Variants in RELN observed in about 807,000 individuals in gnomAD.
RELN encodes reelin.
RELN carries 108 observed loss-of-function variants against 427.6 expected under a neutral mutation model. That is an observed-to-expected ratio of 0.25 (90% CI 0.22 to 0.30). The LOEUF (loss-of-function observed/expected upper bound fraction) is 0.30. Among genes scored for constraint, RELN ranks in the 10% least tolerant of loss-of-function variants. The pLI is 1.00. For synonymous variants in RELN, 1,524 were observed against 1,513.4 expected (o/e 1.01, Z -0.16); for missense variants, 3,715 against 4,302.8 (o/e 0.86, Z 3.82).
At chr7:103,786,848 G>A (rs764663110) in intron 3 of RELN, among the ~76,000 whole-genome samples, 17 of 152,030 alleles carry the variant, frequency 1.1e-4, no homozygotes, top group Non-Finnish European at 1.5e-4. Flanking sequence ...TGGACCAAGC[G>A]GACCTAAAAG....
intron 1 of RELN, among the ~76,000 whole-genome samples, chr7:103,937,805 G>A (rs1584384040): frequency 6.6e-6 from 1 of 152,154 alleles, no homozygotes; most frequent in South Asian, 2.1e-4. Context: ...GCTCAGAATT[G>A]CAGGTTAGCT....
At chr7:103,667,071 C>T (rs932572888) in intron 11 of RELN, among the ~76,000 whole-genome samples, 2 of 152,174 alleles carry the variant, frequency 1.3e-5, no homozygotes, top group Non-Finnish European at 2.9e-5. Flanking sequence ...CTGCTCATTT[C>T]CTCCCCTATC....
At chr7:103,935,886 C>T (rs1795970990) in intron 1 of RELN, among the ~76,000 whole-genome samples, 1 of 152,138 alleles carries the variant, frequency 6.6e-6, no homozygotes, top group South Asian at 2.1e-4. Flanking sequence ...GTATTCCCCA[C>T]CTCCCTGTGG....
At chr7:103,585,900 C>T (rs1184715161) in intron 28 of RELN, among the ~76,000 whole-genome samples, 1 of 152,162 alleles carries the variant, frequency 6.6e-6, no homozygotes, top group Non-Finnish European at 1.5e-5. Flanking sequence ...GATAGTTCAA[C>T]ACACCTAAGT....
intron 3 of RELN, among the ~76,000 whole-genome samples, chr7:103,801,726 T>TAAAA (rs34093844): frequency 1.4e-5 from 2 of 144,796 alleles, no homozygotes; most frequent in African/African-American, 5.0e-5. Flanking sequence ...ACTTAAAGTA[T>TAAAA]AAAAAAAAAA....
chr7:103,576,839 C>A (rs1831014540), intron 28 of RELN, among the ~76,000 whole-genome samples: 1 of 152,172 alleles, frequency 6.6e-6, no homozygotes, highest in Non-Finnish European at 1.5e-5. Flanking sequence ...GGCTACTGCC[C>A]AGTTTTGAGG....
chr7:103,797,621 C>T (rs895423884), intron 3 of RELN, among the ~76,000 whole-genome samples: 3 of 152,116 alleles, frequency 2.0e-5, no homozygotes, highest in Non-Finnish European at 2.9e-5. Context: ...GTCCAAGATA[C>T]CATATCGCAG....
intron 1 of RELN, among the ~76,000 whole-genome samples, chr7:103,926,627 G>GTTTTTTTTTTTTTTTTTTTTTTT (rs60259062): frequency 3.0e-5 from 3 of 99,462 alleles, no homozygotes; most frequent in Non-Finnish European, 4.1e-5. Context: ...AGTATCATAA[G>GTTTTTTTTTTTTTTTTTTTTTTT]TTTTTTTTTT....
At chr7:103,690,718 C>T (rs894412760) in intron 10 of RELN, among the ~76,000 whole-genome samples, 1 of 152,036 alleles carries the variant, frequency 6.6e-6, no homozygotes, top group African/African-American at 2.4e-5. Context: ...TGGGAGATTA[C>T]GAATGAGGGT....
intron 2 of RELN, among the ~76,000 whole-genome samples, chr7:103,889,064 C>T (rs1002469333): frequency 2.0e-5 from 3 of 152,220 alleles, no homozygotes; most frequent in Non-Finnish European, 2.9e-5. Flanking sequence ...CTGTTTCTGA[C>T]GAGAGAAAAT....
chr7:103,898,490 T>G (rs1372313841), intron 2 of RELN, among the ~76,000 whole-genome samples: 1 of 152,050 alleles, frequency 6.6e-6, no homozygotes, highest in Non-Finnish European at 1.5e-5. Context: ...TACATTAACA[T>G]TTTAATGGCT....
Position 103,651,784 on chromosome 7 carries a change from C to A in RELN, c.1769G>T (p.Ser590Ile). The change falls in exon 15 of 65, where the codon AGC becomes ATC. Residue 590 changes from serine (S) to isoleucine (I), a missense_variant. This residue lies in a region of RELN where 2,208 missense variants were observed against 2,361.7 expected (regional missense o/e 0.93). Coordinates refer to ENST00000428762, the MANE Select transcript of RELN (RefSeq NM_005045.4). ...CCCATGGTTGGTAGAAAATTCCAAG[C>A]TGACACTAATAAAACCAGAACAAGC... The part of the protein sequence containing the change: ...CGTHQPGNSV[S>I]LEFSTNHGRS... The A allele has an allele frequency of 1.2e-6, 2 of 1,611,320 alleles. No individual in the cohort carries two copies. Among genetic ancestry groups the A allele is most frequent in the Non-Finnish European group, 1.7e-6 (2 of 1,178,422 alleles).
chr7:103,628,758 TAA>T (rs1832385255), intron 20 of RELN, among the ~76,000 whole-genome samples: 1 of 152,116 alleles, frequency 6.6e-6, no homozygotes, highest in Non-Finnish European at 1.5e-5. Flanking sequence ...TAATACAAAA[TAA>T]AAGTCTTTTA....
intron 48 of RELN, 41 bp downstream of exon 48, chr7:103,521,981 T>A: frequency 6.2e-7 from 1 of 1,605,078 alleles, no homozygotes; most frequent in Non-Finnish European, 8.5e-7. Flanking sequence ...GGAAGGAACT[T>A]AAGAAGAGCA....
At chr7:103,608,098 G>A (rs536234312) in intron 22 of RELN, among the ~76,000 whole-genome samples, 3 of 152,132 alleles carry the variant, frequency 2.0e-5, no homozygotes, top group African/African-American at 4.8e-5. Context: ...AAATCAAAAC[G>A]GCAGAACAAA....
intron 20 of RELN, among the ~76,000 whole-genome samples, chr7:103,627,019 C>A (rs571228726): frequency 3.3e-5 from 5 of 152,066 alleles, no homozygotes; most frequent in African/African-American, 1.2e-4. Flanking sequence ...AATGAAAAAG[C>A]AATTGTCCAA....
Position 103,596,542 on chromosome 7 carries a change from C to T in RELN, c.3453G>A (p.Glu1151=). The T allele has an allele frequency of 1.2e-6, 2 of 1,614,006 alleles. No individual in the cohort carries two copies. The highest frequency in any genetic ancestry group is 1.7e-6 in the Non-Finnish European group (2 of 1,179,928). Residue 1151 remains glutamate, a synonymous_variant, in exon 25 of 65, where the codon GAG becomes GAA. Transcript: ENST00000428762. Reference sequence around the variant, plus strand: ...TGTTGCTGTACTGAAGGAGGACGCCCTCCTCTCTGCTGTCAGGCTTGTTGC... The same window carrying T: ...TGTTGCTGTACTGAAGGAGGACGCCTTCCTCTCTGCTGTCAGGCTTGTTGC... ...ASCNKPDSRE[E]GVLLQYSNNG...
At chr7:103,985,749 G>T (rs1797084308) in intron 1 of RELN, among the ~76,000 whole-genome samples, 1 of 152,148 alleles carries the variant, frequency 6.6e-6, no homozygotes, top group Non-Finnish European at 1.5e-5. Context: ...AAAATGGATG[G>T]TAGATACCTG....
At chr7:103,833,111 T>C (rs758548974) in intron 3 of RELN, among the ~76,000 whole-genome samples, 2 of 152,140 alleles carry the variant, frequency 1.3e-5, no homozygotes, top group Non-Finnish European at 2.9e-5. Flanking sequence ...TTTTTTGTGA[T>C]GTGAATGTTT....
Sources: gnomAD v4.1 joint callset for allele counts (sites outside exome capture counted in the v4.1 genomes callset) on GRCh38, gnomAD v4.1.1 for gene constraint, gnomAD v4.1.1 regional missense constraint, MANE v1.5 for transcripts, NCBI Gene and HGNC (gene_info 2026-07-23, HGNC 2026-07-21) for gene names.